The following MTTP variants were observed in gnomAD, a reference collection of about 807,000 sequenced individuals.
The protein encoded by MTTP is microsomal triglyceride transfer protein large subunit.
A neutral mutation model predicts 90.6 loss-of-function variants in MTTP; 49 were observed. The observed-to-expected ratio is 0.54, with a 90% CI of 0.43 to 0.69. The LOEUF (loss-of-function observed/expected upper bound fraction) is 0.69, where lower values mean the gene tolerates loss of function less well. MTTP is among the 30% of genes least tolerant of loss of function. The pLI is 0.00. For missense variants in MTTP, 945 were observed against 1,067.5 expected, an observed-to-expected ratio of 0.89 and a Z score of 1.60; for synonymous variants, 347 against 384.2, an observed-to-expected ratio of 0.90 and a Z score of 1.13.
intron 1 of MTTP, among the ~76,000 whole-genome samples, chr4:99,575,788 G>C (rs1311089064): frequency 6.6e-6 from 1 of 152,128 alleles, no homozygotes; most frequent in Admixed American, 6.5e-5. Context: ...TCACTTTTTA[G>C]TTTCTTAGGA....
intron 15 of MTTP, among the ~76,000 whole-genome samples, chr4:99,617,822 T>C (rs1385205473): frequency 6.6e-6 from 1 of 152,170 alleles, no homozygotes; most frequent in Non-Finnish European, 1.5e-5. Flanking sequence ...TTGTAAATAA[T>C]TACTGTCCCT....
At chr4:99,569,453 A>G (rs1339619789) in intron 1 of MTTP, among the ~76,000 whole-genome samples, 4 of 152,130 alleles carry the variant, frequency 2.6e-5, no homozygotes, top group African/African-American at 9.7e-5. Flanking sequence ...ATATTGGTTT[A>G]TTAATAATAA....
chr4:99,582,654 A>G (rs112753351), intron 2 of MTTP, among the ~76,000 whole-genome samples: 1 of 152,286 alleles, frequency 6.6e-6, no homozygotes, highest in African/African-American at 2.4e-5. Context: ...TCCAATTGTA[A>G]TATATGGTGA....
upstream of MTTP, among the ~76,000 whole-genome samples, chr4:99,573,829 T>A (rs969122632): frequency 6.6e-6 from 1 of 152,198 alleles, no homozygotes; most frequent in Non-Finnish European, 1.5e-5. Context: ...GCACATTTTT[T>A]CCCTTCTTTG....
chr4:99,583,368 C>A lies in MTTP; in HGVS notation c.250-6C>A. ...TTTTTTAACAGCTTTCTTTCTGTTA[C>A]TCCAGATGAAGGATGTAAATGTTGA... On this transcript the variant is annotated splice_polypyrimidine_tract_variant and splice_region_variant and intron_variant, in intron 2 of 17. Transcript: ENST00000265517. 5.0e-6 allele frequency: 8 copies of A among 1,612,648 alleles called. No homozygotes were observed. Among genetic ancestry groups the A allele is most frequent in the Non-Finnish European group, 5.9e-6 (7 of 1,179,458 alleles).
intron 1 of MTTP, among the ~76,000 whole-genome samples, chr4:99,566,744 G>A (rs1390997184): frequency 6.6e-6 from 1 of 152,148 alleles, no homozygotes; most frequent in Admixed American, 6.5e-5. Flanking sequence ...CAGACAGTTG[G>A]CAACCAGTTT....
chr4:99,587,624 A>G (rs1450401710), intron 3 of MTTP, among the ~76,000 whole-genome samples: 1 of 152,202 alleles, frequency 6.6e-6, no homozygotes, highest in Admixed American at 6.5e-5. Context: ...GGAAAGTGAC[A>G]TAGTGGTGAC....
intron 14 of MTTP, among the ~76,000 whole-genome samples, 153 bp downstream of exon 14, chr4:99,611,606 G>A (rs1025306707): frequency 7.2e-5 from 11 of 152,106 alleles, no homozygotes; most frequent in African/African-American, 1.9e-4. Flanking sequence ...ATCTGTAAGA[G>A]GCTGTATGGT....
At chr4:99,583,287 GTTTC>G (rs1333429145) in intron 2 of MTTP, 83 bp from the exon 3 acceptor site, 26 of 1,462,980 alleles carry the variant, frequency 1.8e-5, no homozygotes, top group Non-Finnish European at 2.3e-5. Context: ...AACTCTTTCT[GTTTC>G]TTTATCATTT....
chr4:99,589,483 T>C (rs1234421699), intron 3 of MTTP, among the ~76,000 whole-genome samples, 160 bp from the exon 4 acceptor site: 1 of 152,138 alleles, frequency 6.6e-6, no homozygotes, highest in African/African-American at 2.4e-5. Flanking sequence ...GAGATTTAAA[T>C]AGCTTCTTTT....
chr4:99,612,469 C>T (rs1232791343), intron 14 of MTTP, among the ~76,000 whole-genome samples: 2 of 150,844 alleles, frequency 1.3e-5, no homozygotes, highest in Admixed American at 6.6e-5. Context: ...CTTAGAATGA[C>T]TCTGCCAACA....
chr4:99,609,845 C>T (rs985963036), intron 12 of MTTP, among the ~76,000 whole-genome samples: 1 of 152,166 alleles, frequency 6.6e-6, no homozygotes, highest in Non-Finnish European at 1.5e-5. Context: ...AATCTCTCTG[C>T]AGCCATGTAT....
At chr4:99,585,212 T>A (rs1189353330) in intron 3 of MTTP, among the ~76,000 whole-genome samples, 3 of 152,150 alleles carry the variant, frequency 2.0e-5, no homozygotes, top group Non-Finnish European at 4.4e-5. Flanking sequence ...TACTGTGTGC[T>A]AGGTGCTGAC....
Position 99,618,980 on chromosome 4 carries a change from C to T in MTTP, c.2224C>T (p.Gln742Ter). The change falls in exon 16 of 18, where the codon CAG becomes TAG. Residue 742 changes from glutamine (Q) to a stop codon, truncating the protein, a stop_gained. Coordinates refer to ENST00000265517, the MANE Select transcript of MTTP (RefSeq NM_001386140.1). LOFTEE classifies it high-confidence loss of function. ...ILLIDHSQELQLQSGLKANIE... is the reference protein window; with the variant it reads ...ILLIDHSQEL ...TTATGCTTTTTTCTTCTAGGAACTT[C>T]AGTTACAATCTGGACTAAAAGCCAA... The T allele has an allele frequency of 6.2e-7, 1 of 1,611,860 alleles. No homozygotes were observed. The highest frequency in any genetic ancestry group is 1.3e-5 in the African/African-American group (1 of 74,922).
chr4:99,620,670 G>A (rs897684076), intron 16 of MTTP, among the ~76,000 whole-genome samples: 2 of 152,162 alleles, frequency 1.3e-5, no homozygotes, highest in Non-Finnish European at 1.5e-5. Flanking sequence ...TATAAGCATC[G>A]ATTGTCTTCT....
intron 1 of MTTP, among the ~76,000 whole-genome samples, chr4:99,565,406 A>G (rs909657336): frequency 3.9e-5 from 6 of 152,326 alleles, no homozygotes; most frequent in African/African-American, 1.4e-4. Context: ...TGATTCTATT[A>G]TTAATCCAAA....
chr4:99,577,856 A>G (rs921510703), intron 1 of MTTP, among the ~76,000 whole-genome samples: 19 of 151,908 alleles, frequency 1.3e-4, no homozygotes, highest in Non-Finnish European at 8.8e-5. Context: ...CTTCTATTTA[A>G]TTTTGTCACC....
upstream of MTTP, among the ~76,000 whole-genome samples, chr4:99,569,852 A>G (rs1560609944): frequency 3.3e-5 from 5 of 152,030 alleles, no homozygotes; most frequent in Admixed American, 2.6e-4. Context: ...ACATATTTAC[A>G]TATACCAAAC....
At chr4:99,577,522 G>A (rs1010081212) in intron 1 of MTTP, among the ~76,000 whole-genome samples, 1 of 147,410 alleles carries the variant, frequency 6.8e-6, no homozygotes, top group African/African-American at 2.5e-5. Flanking sequence ...GGAGAATTGC[G>A]TGAAACTGGG....
Sources: gnomAD v4.1 joint callset for allele counts (sites outside exome capture counted in the v4.1 genomes callset) on GRCh38, gnomAD v4.1.1 for gene constraint, MANE v1.5 for transcripts, NCBI Gene and HGNC (gene_info 2026-07-23, HGNC 2026-07-21) for gene names.